The following GLI2 variants were observed in gnomAD, a reference collection of about 807,000 sequenced individuals.
The protein encoded by GLI2 is GLI family zinc finger 2.
GLI2 carries 22 observed loss-of-function variants against 78.9 expected under a neutral mutation model. That is an observed-to-expected ratio of 0.28 (90% confidence interval 0.20 to 0.40). The LOEUF is 0.40. Among genes scored for constraint, GLI2 ranks in the 10% least tolerant of loss-of-function variants. The pLI, the probability that GLI2 is intolerant of heterozygous loss-of-function variation, is 1.00. For missense variants in GLI2, 2,097 were observed against 2,213.2 expected (o/e 0.95, Z 1.05); for synonymous variants, 974 against 963.7 (o/e 1.01, Z -0.20).
chr2:120,757,118 A>G (rs1362414249), intron 1 of GLI2, among the ~76,000 whole-genome samples: 3 of 151,920 alleles, frequency 2.0e-5, no homozygotes, highest in Admixed American at 6.6e-5. Flanking sequence ...GGACACAGGA[A>G]TTCATTTATA....
intron 2 of GLI2, among the ~76,000 whole-genome samples, chr2:120,814,021 CAACTGG>C (rs963715986): frequency 1.3e-5 from 2 of 151,954 alleles, no homozygotes; most frequent in African/African-American, 4.8e-5. Flanking sequence ...CCCCCGAGAA[CAACTGG>C]AGCTTCATCC....
intron 2 of GLI2, among the ~76,000 whole-genome samples, chr2:120,844,824 AT>A (rs904383144): frequency 3.3e-5 from 5 of 152,010 alleles, no homozygotes; most frequent in Non-Finnish European, 5.9e-5. Context: ...GATAATCCTT[AT>A]TGCTTTCTTG....
At chr2:120,774,751 C>G (rs1683628034) in intron 1 of GLI2, among the ~76,000 whole-genome samples, 1 of 152,162 alleles carries the variant, frequency 6.6e-6, no homozygotes, top group East Asian at 1.9e-4. Context: ...TCCAGTTTGC[C>G]ACAGTCCTCA....
In GLI2 at chr2:120,737,031, C is replaced by T. The variant is rs1392712770; in HGVS notation, c.-31+746C>T. Reference sequence around the variant, plus strand: ...TGCCCCCCTACTCATCGTCTCTCCCCACCCCCGACAATCTCTCAACAAGTA... The same window carrying T: ...TGCCCCCCTACTCATCGTCTCTCCCTACCCCCGACAATCTCTCAACAAGTA... On this transcript the variant is annotated intron_variant, in intron 1 of 13. Coordinates refer to ENST00000361492, the MANE Select transcript of GLI2 (RefSeq NM_001374353.1). The surrounding 1 kb of genome is among the most constrained non-coding windows in gnomAD (Gnocchi z 4.3). Among the ~76,000 whole-genome samples the T allele has an allele frequency of 6.6e-6, 1 of 152,258 alleles. No homozygotes were observed. Among genetic ancestry groups the T allele is most frequent in the African/African-American group, 2.4e-5 (1 of 41,550 alleles).
At chr2:120,838,695 A>G (rs986089357) in intron 2 of GLI2, among the ~76,000 whole-genome samples, 1 of 152,232 alleles carries the variant, frequency 6.6e-6, no homozygotes, top group African/African-American at 2.4e-5. Flanking sequence ...CATGAACCGC[A>G]TATAGGACAG....
At chr2:120,915,803 A>C (rs1679069443) in intron 2 of GLI2, among the ~76,000 whole-genome samples, 1 of 152,204 alleles carries the variant, frequency 6.6e-6, no homozygotes, top group East Asian at 1.9e-4. Context: ...CGAAAAGCAC[A>C]GACCCCTGGA....
intron 11 of GLI2, 109 bp downstream of exon 11, chr2:120,982,989 C>A: frequency 1.0e-6 from 1 of 996,436 alleles, no homozygotes; most frequent in Non-Finnish European, 1.5e-6. Flanking sequence ...ATGTCCCGCC[C>A]CCGCCACTGA....
intron 2 of GLI2, among the ~76,000 whole-genome samples, chr2:120,832,737 G>A (rs779880740): frequency 1.3e-5 from 2 of 152,130 alleles, no homozygotes; most frequent in African/African-American, 4.8e-5. Context: ...CTCTTTCCCT[G>A]CAGGCTGTGT....
In GLI2 at chr2:120,878,760, C is replaced by T. The variant is rs181504670; in HGVS notation, c.149-48601C>T. The stretch of plus-strand genomic sequence containing the variant: ...CATCCTGGCTAACACAGTGAAACCC[C>T]GTCTCTACTAAAAATACAAAAAATT... On this transcript the variant is annotated intron_variant, in intron 2 of 13. Transcript: ENST00000361492. Among the ~76,000 whole-genome samples the T allele has an allele frequency of 8.8e-3, 1,343 of 152,036 alleles. 9 individuals are homozygous for T. Among genetic ancestry groups the T allele is most frequent in the Non-Finnish European group, 0.013 (888 of 67,974 alleles).
chr2:120,967,064 G>A (rs573494891), intron 5 of GLI2, among the ~76,000 whole-genome samples: 2 of 152,300 alleles, frequency 1.3e-5, no homozygotes, highest in South Asian at 2.1e-4. Context: ...AGGGAGGAAC[G>A]CAGTTATCAT....
intron 2 of GLI2, among the ~76,000 whole-genome samples, chr2:120,859,430 A>G (rs190706157): frequency 1.7e-4 from 25 of 149,972 alleles, no homozygotes; most frequent in Non-Finnish European, 1.0e-4. Context: ...CTGCCTCACA[A>G]CAGCCCTACA....
At chr2:120,760,417 T>C (rs937751924) in intron 1 of GLI2, among the ~76,000 whole-genome samples, 1 of 152,102 alleles carries the variant, frequency 6.6e-6, no homozygotes, top group Admixed American at 6.5e-5. Context: ...AAGGGACAAG[T>C]GATTTCCCAG....
chr2:120,809,967 G>A (rs758440271), intron 2 of GLI2, among the ~76,000 whole-genome samples: 5 of 152,178 alleles, frequency 3.3e-5, no homozygotes, highest in Non-Finnish European at 7.3e-5. Flanking sequence ...TGGGGGCTGC[G>A]GTCAGGCAGG....
intron 1 of GLI2, among the ~76,000 whole-genome samples, chr2:120,784,173 GC>G (rs1442797286): frequency 6.6e-6 from 1 of 152,194 alleles, no homozygotes. Flanking sequence ...TGTGCCAGGG[GC>G]CTGGGAATGA....
chr2:120,992,334 A>G lies in GLI2; in HGVS notation c.*1659A>G, dbSNP rs1179483825. On this transcript the variant is annotated 3_prime_UTR_variant, in exon 14 of 14. Transcript: ENST00000361492. ...ATTTCCCTTGCCAGTCCCAACCTGT[A>G]TATATTCTGTACAGAAGACATCCCT... 1.3e-5 allele frequency: 2 copies of G among 152,176 alleles called. No homozygotes were observed. The highest frequency in any genetic ancestry group is 2.4e-5 in the African/African-American group (1 of 41,442). 9.4% of individuals were successfully genotyped at this position (152,176 alleles called of 1,614,324 possible). A position where few individuals can be genotyped will look rare whatever the true frequency, so the allele number is the denominator to read the frequency against.
At chr2:120,985,097 C>T (rs1366312700) in intron 12 of GLI2, among the ~76,000 whole-genome samples, 3 of 152,238 alleles carry the variant, frequency 2.0e-5, no homozygotes, top group African/African-American at 7.2e-5. Context: ...TCTGTCCTGT[C>T]TCTGCATCCC....
intron 1 of GLI2, among the ~76,000 whole-genome samples, chr2:120,768,432 G>C (rs1276656231): frequency 6.6e-6 from 1 of 152,226 alleles, no homozygotes; most frequent in Admixed American, 6.5e-5. Flanking sequence ...ACTGTTTTCT[G>C]TCCAGCTGGC....
chr2:120,837,166 G>A (rs1244089872), intron 2 of GLI2, among the ~76,000 whole-genome samples: 3 of 152,008 alleles, frequency 2.0e-5, no homozygotes, highest in Non-Finnish European at 2.9e-5. Flanking sequence ...AGGCCGAGGC[G>A]GGCGGATCAC....
At chr2:120,945,643 C>G (rs1680670993) in intron 3 of GLI2, among the ~76,000 whole-genome samples, 2 of 152,192 alleles carry the variant, frequency 1.3e-5, no homozygotes, top group East Asian at 3.9e-4. Context: ...CTCATCCTCT[C>G]TCAGCTCTGA....
Sources: allele counts gnomAD v4.1 joint callset (sites outside exome capture counted in the v4.1 genomes callset), GRCh38; gene constraint gnomAD v4.1.1; non-coding constraint Gnocchi (gnomAD v3.1); transcripts MANE v1.5; gene names NCBI Gene and HGNC (gene_info 2026-07-23, HGNC 2026-07-21).